Variants in RBM10 observed in about 807,000 individuals in gnomAD.
RBM10 encodes RNA binding motif protein 10, also known as RNA-binding protein 10.
A neutral mutation model predicts 84.9 loss-of-function variants in RBM10; 1 was observed. That is an observed-to-expected ratio of 0.01 (90% CI 0.00 to 0.06). RBM10 has a LOEUF of 0.06. Ranked by LOEUF, RBM10 falls within the 10% of genes least tolerant of loss-of-function variation. RBM10 has a pLI of 1.00. For missense variants in RBM10, 438 were observed against 839.0 expected (o/e 0.52, Z 5.90); for synonymous variants, 326 against 344.5 (o/e 0.95, Z 0.60).
chrX:47,170,731 C>T (rs1934582463), intron 3 of RBM10, among the ~76,000 whole-genome samples: 1 of 112,292 alleles, frequency 8.9e-6, no homozygotes, highest in Non-Finnish European at 1.9e-5. Context: ...CATCTTGCCC[C>T]AAGGAGGTTT....
Position 47,166,844 on chromosome X carries a change from C to T in RBM10, c.18-2471C>T, listed in dbSNP as rs782467702. ...AAGCTGGAGTGCAGTGGTGCGATCT[C>T]GGCTCATTGCAACCTCCGCCTTCTG... On this transcript the variant is annotated intron_variant, in intron 2 of 23. Coordinates refer to ENST00000377604, the MANE Select transcript of RBM10 (RefSeq NM_005676.5). 1.3e-4 allele frequency among the ~76,000 whole-genome samples: 14 copies of T among 106,622 alleles called. No individual in the cohort carries two copies. The South Asian group carries it at 3.8e-3, about 29-fold the overall frequency. The allele number at this position is 106,622 out of a possible 115,157, so 92.6% of individuals were successfully genotyped here. A position where few individuals can be genotyped will look rare whatever the true frequency, so the allele number is the denominator to read the frequency against.
chrX:47,155,687 C>T (rs370789467), intron 2 of RBM10, among the ~76,000 whole-genome samples: 3 of 95,543 alleles, frequency 3.1e-5, no homozygotes, highest in East Asian at 3.4e-4. Context: ...GAGCCGAGAT[C>T]GCCACTGCAC....
intron 6 of RBM10, among the ~76,000 whole-genome samples, chrX:47,175,764 G>C (rs1390558242): frequency 3.6e-5 from 4 of 111,004 alleles, no homozygotes; most frequent in Non-Finnish European, 7.6e-5. Flanking sequence ...AGTCAGCCCT[G>C]GGGGGAGCCT....
chrX:47,159,364 C>T (rs1330291183), intron 2 of RBM10, among the ~76,000 whole-genome samples: 1 of 103,882 alleles, frequency 9.6e-6, no homozygotes, highest in Non-Finnish European at 2.0e-5. Flanking sequence ...GCCGAGATTG[C>T]ACCATTGCAC....
rs782257371 is a variant in RBM10 at position 47,186,250 on chromosome X, C to T, written c.2538-8C>T. On this transcript the variant is annotated splice_region_variant and splice_polypyrimidine_tract_variant and intron_variant, in intron 22 of 23. Transcript: ENST00000377604. ...GCCGACCACTCATGCTGTGCACCGCCCCTGCAGAGACTTCGAGCAGCCTAC... is the reference window on the plus strand; with the variant it reads ...GCCGACCACTCATGCTGTGCACCGCTCCTGCAGAGACTTCGAGCAGCCTAC... 8.3e-7 allele frequency: 1 copy of T among 1,210,416 alleles called. No individual in the cohort carries two copies. The highest frequency in any genetic ancestry group is 2.2e-5 in the Admixed American group (1 of 45,936).
intron 21 of RBM10, 69 bp from the exon 22 acceptor site, chrX:47,185,996 C>A: frequency 1.7e-6 from 2 of 1,172,174 alleles, no homozygotes; most frequent in Non-Finnish European, 2.3e-6. Flanking sequence ...GGACCCCACT[C>A]CCCATGCCTG....
chrX:47,178,934 G>A, intron 7 of RBM10, among the ~76,000 whole-genome samples, 169 bp from the exon 8 acceptor site: 1 of 111,864 alleles, frequency 8.9e-6, no homozygotes, highest in Middle Eastern at 4.6e-3. Flanking sequence ...AAGGGAAGAT[G>A]CACAGTACTG....
At chrX:47,169,641 C>A in intron 3 of RBM10, 143 bp downstream of exon 3, 1 of 582,999 alleles carries the variant, frequency 1.7e-6, no homozygotes. Flanking sequence ...ACCTGGAGGG[C>A]CTGTTCCCAC....
chrX:47,176,232 C>T (rs940733370), intron 6 of RBM10, among the ~76,000 whole-genome samples: 3 of 110,512 alleles, frequency 2.7e-5, no homozygotes, highest in Non-Finnish European at 5.7e-5. Flanking sequence ...GTCCGGCAAG[C>T]GTCGGTCAGC....
intron 4 of RBM10, 86 bp downstream of exon 4, chrX:47,171,344 C>T: frequency 8.7e-7 from 1 of 1,148,375 alleles, no homozygotes; most frequent in Non-Finnish European, 1.2e-6. Context: ...CCCTCACCTG[C>T]AACCTCAGCG....
chrX:47,154,371 G>A (rs923287887), intron 2 of RBM10, among the ~76,000 whole-genome samples: 31 of 110,607 alleles, frequency 2.8e-4, no homozygotes, highest in African/African-American at 1.0e-3. Flanking sequence ...GAGAGTTCAG[G>A]ATAATTTCAT....
chrX:47,146,832 C>A (rs181336096), intron 1 of RBM10, among the ~76,000 whole-genome samples: 13 of 111,263 alleles, frequency 1.2e-4, no homozygotes, highest in Non-Finnish European at 2.3e-4. Context: ...CTTCACACAC[C>A]CCCCCAAGAG....
chrX:47,181,804 A>G lies in RBM10; in HGVS notation c.1631A>G (p.His544Arg). The change falls in exon 15 of 24, where the codon CAT (histidine) becomes CGT (arginine). Residue 544 changes from histidine to arginine, a missense_variant. Physicochemically the swap from His to Arg is conservative, Grantham distance 29. Transcript: ENST00000377604. ...VLKSELQSPT[H>R]PSSALPPATS... ...AAATCTGAGCTCCAGAGCCCTACCC[A>G]TCCTAGTTCTGCTCTCCCACCGGCT... 8.3e-7 allele frequency: 1 copy of G among 1,210,452 alleles called. No homozygotes were observed.
intron 7 of RBM10, among the ~76,000 whole-genome samples, chrX:47,177,755 A>T (rs1164471367): frequency 2.7e-5 from 3 of 110,997 alleles, no homozygotes; most frequent in Non-Finnish European, 5.7e-5. Context: ...GGCGCATGCC[A>T]CCACACCCAC....
chrX:47,149,488 A>G (rs781991241), intron 2 of RBM10, among the ~76,000 whole-genome samples: 12 of 110,456 alleles, frequency 1.1e-4, no homozygotes, highest in South Asian at 3.8e-4. Context: ...AGCCTCCCAC[A>G]TAGCTGGGAT....
chrX:47,160,146 AG>A (rs1158858999), intron 2 of RBM10, among the ~76,000 whole-genome samples: 15 of 112,385 alleles, frequency 1.3e-4, no homozygotes, highest in Non-Finnish European at 1.1e-4. Context: ...TCAAAAAAAA[AG>A]AAAAAAAATC....
chrX:47,185,933 G>T, intron 21 of RBM10, 132 bp from the exon 22 acceptor site: 1 of 1,152,476 alleles, frequency 8.7e-7, no homozygotes, highest in South Asian at 1.9e-5. Context: ...TTGTGCCTGT[G>T]ATGGCCTGAC....
intron 2 of RBM10, among the ~76,000 whole-genome samples, chrX:47,165,711 C>T (rs1934133892): frequency 9.1e-6 from 1 of 109,858 alleles, no homozygotes; most frequent in Non-Finnish European, 1.9e-5. Context: ...CCCAGCTACT[C>T]GGGAGGTTGA....
chrX:47,181,426 AG>A lies in RBM10; in HGVS notation c.1435+26del, dbSNP rs1556779299. On this transcript the variant is annotated intron_variant, in intron 13 of 23. Transcript: ENST00000377604. ...GGTGAGCCCCAGCATCTCTCTCTGC[AG>A]CTGTGGTGGGGGCCAGCAGGCATAA... is the stretch of plus-strand genomic sequence containing the variant. The A allele has an allele frequency of 5.8e-6, 7 of 1,208,104 alleles. No homozygotes were observed. The South Asian group carries it at 1.1e-4, about 18-fold the overall frequency.
Sources: gnomAD v4.1 joint callset for allele counts (sites outside exome capture counted in the v4.1 genomes callset) on GRCh38, gnomAD v4.1.1 for gene constraint, MANE v1.5 for transcripts, NCBI Gene and HGNC (gene_info 2026-07-23, HGNC 2026-07-21) for gene names.